Variants in DLG1 observed in about 807,000 individuals in gnomAD.
DLG1 encodes the protein discs large MAGUK scaffold protein 1, also known as disks large homolog 1.
A neutral mutation model predicts 123.4 loss-of-function variants in DLG1; 42 were observed. The ratio of observed to expected loss-of-function variants is 0.34; its 90% CI spans 0.27 to 0.44. The LOEUF (loss-of-function observed/expected upper bound fraction) is 0.44. DLG1 is among the 20% of genes least tolerant of loss of function. DLG1 has a pLI of 1.00. For missense variants in DLG1, 942 were observed against 1,082.6 expected (o/e 0.87, Z 1.82); for synonymous variants, 317 against 356.2 (o/e 0.89, Z 1.24).
chr3:197,085,518 A>T (rs1753813492), intron 16 of DLG1, 62 bp downstream of exon 16: 1 of 1,570,552 alleles, frequency 6.4e-7, no homozygotes, highest in South Asian at 1.1e-5. Context: ...AATTAAAAAA[A>T]ATTTAAAAGA....
chr3:197,157,695 T>A (rs896441720), intron 5 of DLG1, among the ~76,000 whole-genome samples: 1 of 152,124 alleles, frequency 6.6e-6, no homozygotes, highest in Non-Finnish European at 1.5e-5. Flanking sequence ...TAACCCATCC[T>A]AAAAGTCACA....
At chr3:197,072,829 T>C (rs981905187) in intron 18 of DLG1, among the ~76,000 whole-genome samples, 3 of 152,080 alleles carry the variant, frequency 2.0e-5, no homozygotes, top group Non-Finnish European at 4.4e-5. Flanking sequence ...CCCGAGTAGC[T>C]TGGATTACAG....
intron 11 of DLG1, among the ~76,000 whole-genome samples, chr3:197,129,504 T>A (rs1781438977): frequency 6.6e-6 from 1 of 152,244 alleles, no homozygotes; most frequent in Non-Finnish European, 1.5e-5. Flanking sequence ...ACAACAGCAA[T>A]CAGATTGTCT....
At chr3:197,165,204 C>G (rs1800825445) in intron 5 of DLG1, among the ~76,000 whole-genome samples, 1 of 152,040 alleles carries the variant, frequency 6.6e-6, no homozygotes, top group Non-Finnish European at 1.5e-5. Flanking sequence ...AATATAAATG[C>G]AAGGGGAAGG....
chr3:197,295,480 A>C (rs1236299876), intron 3 of DLG1, among the ~76,000 whole-genome samples: 2 of 140,434 alleles, frequency 1.4e-5, no homozygotes, highest in Non-Finnish European at 3.2e-5. Context: ...TGATAACTAA[A>C]ACAAAAAAAA....
chr3:197,244,867 T>C (rs547099532), intron 4 of DLG1, among the ~76,000 whole-genome samples: 1 of 152,276 alleles, frequency 6.6e-6, no homozygotes, highest in East Asian at 1.9e-4. Context: ...CTAAAAAGCC[T>C]TTAGCTTTGA....
chr3:197,253,492 T>C (rs1755412593), intron 4 of DLG1, among the ~76,000 whole-genome samples: 1 of 152,198 alleles, frequency 6.6e-6, no homozygotes, highest in African/African-American at 2.4e-5. Context: ...GTTTAGCAGT[T>C]TCTTTAAAAA....
intron 23 of DLG1, among the ~76,000 whole-genome samples, chr3:197,053,075 G>A (rs923419912): frequency 1.4e-4 from 22 of 152,294 alleles, no homozygotes; most frequent in African/African-American, 5.3e-4. Flanking sequence ...AAAATAATCT[G>A]GAATGAAGGT....
In DLG1 at chr3:197,259,001, G is replaced by C. The variant is rs529023574; in HGVS notation, c.318+23678C>G. Among the ~76,000 whole-genome samples the C allele has an allele frequency of 3.9e-5, 6 of 152,102 alleles. No individual in the cohort carries two copies. In the South Asian group the frequency reaches 8.3e-4, roughly 21 times the overall value. On this transcript the variant is annotated intron_variant, in intron 4 of 24. Transcript: ENST00000667157. ...AAATAGACCCTCTTTTGCTAAAAGA[G>C]TCAATGTAAAAAAATTCAAAGTCTA...
chr3:197,209,039 T>C (rs765072770), intron 4 of DLG1, among the ~76,000 whole-genome samples: 1 of 146,150 alleles, frequency 6.8e-6, no homozygotes, highest in African/African-American at 2.4e-5. Flanking sequence ...TTTTAATTAA[T>C]AATTAGTAAA....
At chr3:197,222,267 C>T (rs1737515339) in intron 4 of DLG1, among the ~76,000 whole-genome samples, 1 of 152,114 alleles carries the variant, frequency 6.6e-6, no homozygotes, top group African/African-American at 2.4e-5. Flanking sequence ...AAACCACACT[C>T]CTTTCCCCTT....
intron 4 of DLG1, among the ~76,000 whole-genome samples, chr3:197,198,658 A>G (rs1723970435): frequency 6.6e-6 from 1 of 152,196 alleles, no homozygotes; most frequent in South Asian, 2.1e-4. Context: ...ACAAACAGCC[A>G]ATAAGCACAT....
At chr3:197,062,999 A>G (rs1417259743) in intron 22 of DLG1, among the ~76,000 whole-genome samples, 1 of 152,046 alleles carries the variant, frequency 6.6e-6, no homozygotes, top group African/African-American at 2.4e-5. Context: ...CCTAGAATAT[A>G]TATTAGTTTC....
intron 4 of DLG1, among the ~76,000 whole-genome samples, chr3:197,263,670 C>T (rs1760493328): frequency 6.6e-6 from 1 of 152,062 alleles, no homozygotes; most frequent in East Asian, 1.9e-4. Context: ...GCCTGTAATC[C>T]CAGCTACTCG....
intron 4 of DLG1, among the ~76,000 whole-genome samples, chr3:197,225,315 A>G (rs936910275): frequency 2.6e-5 from 4 of 152,206 alleles, no homozygotes; most frequent in African/African-American, 9.7e-5. Flanking sequence ...AACTACATTC[A>G]TTTTATTTAT....
chr3:197,111,558 T>C (rs1449504629), intron 13 of DLG1, among the ~76,000 whole-genome samples: 2 of 152,242 alleles, frequency 1.3e-5, no homozygotes, highest in Non-Finnish European at 2.9e-5. Context: ...AATTACAGTA[T>C]ATTTTACAAT....
chr3:197,177,684 T>C (rs1404674012), intron 5 of DLG1, among the ~76,000 whole-genome samples: 6 of 152,170 alleles, frequency 3.9e-5, no homozygotes, highest in Non-Finnish European at 8.8e-5. Flanking sequence ...TCTGTATTTA[T>C]GCCTGTTGTC....
chr3:197,285,278 C>T (rs1032942605), intron 3 of DLG1, among the ~76,000 whole-genome samples: 3 of 151,968 alleles, frequency 2.0e-5, no homozygotes, highest in African/African-American at 7.3e-5. Flanking sequence ...TGACAACTTA[C>T]ATAATCTTAA....
chr3:197,168,693 C>T (rs1802580581), intron 5 of DLG1, among the ~76,000 whole-genome samples: 1 of 152,144 alleles, frequency 6.6e-6, no homozygotes, highest in Non-Finnish European at 1.5e-5. Context: ...TAGACAGTGA[C>T]TGTTATGCCA....
Sources: gnomAD v4.1 joint callset for allele counts (sites outside exome capture counted in the v4.1 genomes callset) on GRCh38, gnomAD v4.1.1 for gene constraint, MANE v1.5 for transcripts, NCBI Gene and HGNC (gene_info 2026-07-23, HGNC 2026-07-21) for gene names.